Variants in NKAIN2 observed in about 807,000 individuals in gnomAD.
NKAIN2 encodes sodium/potassium transporting ATPase interacting 2.
Under a neutral mutation model 32.6 loss-of-function variants are expected in NKAIN2, and 14 were observed. The observed-to-expected ratio is 0.43, with a 90% confidence interval of 0.28 to 0.67. The LOEUF is 0.67. Among genes scored for constraint, NKAIN2 ranks in the 30% least tolerant of loss-of-function variants. The probability of loss-of-function intolerance (pLI) is 0.17; values close to 1 mark genes in which losing one functional copy is unlikely to be tolerated. For missense variants in NKAIN2, 198 were observed against 258.3 expected, an observed-to-expected ratio of 0.77 and a Z score of 1.60; for synonymous variants, 80 against 87.2, an observed-to-expected ratio of 0.92 and a Z score of 0.46.
intron 5 of NKAIN2, among the ~76,000 whole-genome samples, chr6:124,810,575 T>C (rs1780849200): frequency 6.6e-6 from 1 of 152,078 alleles, no homozygotes; most frequent in South Asian, 2.1e-4. Flanking sequence ...ATGTCACATG[T>C]ATACATGTCA....
intron 1 of NKAIN2, among the ~76,000 whole-genome samples, chr6:124,171,109 C>T (rs577125349): frequency 6.6e-6 from 1 of 152,148 alleles, no homozygotes; most frequent in South Asian, 2.1e-4. Context: ...TAACACTCAA[C>T]TCTCACTTTT....
At chr6:124,439,754 A>C (rs1775612789) in intron 3 of NKAIN2, among the ~76,000 whole-genome samples, 1 of 152,024 alleles carries the variant, frequency 6.6e-6, no homozygotes, top group African/African-American at 2.4e-5. Context: ...TATAAACTGC[A>C]TTTCAACTTT....
chr6:124,047,024 A>G (rs1782171580), intron 1 of NKAIN2, among the ~76,000 whole-genome samples: 1 of 152,042 alleles, frequency 6.6e-6, no homozygotes. Context: ...CTCATTCAGC[A>G]TGTCAGACCA....
intron 3 of NKAIN2, among the ~76,000 whole-genome samples, chr6:124,473,898 C>T (rs907492558): frequency 6.6e-6 from 1 of 152,126 alleles, no homozygotes; most frequent in Non-Finnish European, 1.5e-5. Flanking sequence ...AGTGTGCAAA[C>T]AACTGCTAAA....
At position 124,258,507 on chromosome 6, in the gene NKAIN2, G is replaced by A. The variant is rs147037043; in HGVS notation, c.55-24498G>A. 2.2e-3 allele frequency among the ~76,000 whole-genome samples: 342 copies of A among 152,230 alleles called. 1 individual carries two copies. The highest frequency in any genetic ancestry group is 7.8e-3 in the African/African-American group (325 of 41,560). On this transcript the variant is annotated intron_variant, in intron 1 of 6. Coordinates refer to ENST00000368417, the MANE Select transcript of NKAIN2 (RefSeq NM_001040214.3). ...AACTGTGGAAAGCAAAATGATAAACGATAACTTGAAACTATGTAATATCTA... is the reference window on the plus strand; with the variant it reads ...AACTGTGGAAAGCAAAATGATAAACAATAACTTGAAACTATGTAATATCTA...
chr6:124,048,126 C>G (rs565756326), intron 1 of NKAIN2, among the ~76,000 whole-genome samples: 1 of 152,030 alleles, frequency 6.6e-6, no homozygotes, highest in East Asian at 1.9e-4. Context: ...CTCTTCTGCT[C>G]CTCCCATCCT....
At chr6:124,749,179 G>T (rs1422736400) in intron 4 of NKAIN2, among the ~76,000 whole-genome samples, 1 of 151,866 alleles carries the variant, frequency 6.6e-6, no homozygotes, top group African/African-American at 2.4e-5. Flanking sequence ...CTCTGCTTGA[G>T]TCTTCCTCCA....
intron 1 of NKAIN2, among the ~76,000 whole-genome samples, chr6:124,059,644 G>T (rs1782832948): frequency 6.6e-6 from 1 of 152,076 alleles, no homozygotes; most frequent in Non-Finnish European, 1.5e-5. Flanking sequence ...TTGTATTATT[G>T]CCACTCCTTT....
Position 124,752,839 on chromosome 6 carries a change from A to C in NKAIN2, c.475-38500A>C, listed in dbSNP as rs982257152. 2.6e-5 allele frequency among the ~76,000 whole-genome samples: 4 copies of C among 152,118 alleles called. No individual in the cohort carries two copies. The South Asian group carries it at 6.2e-4, about 24-fold the overall frequency. On this transcript the variant is annotated intron_variant, in intron 4 of 6. Coordinates refer to ENST00000368417, the MANE Select transcript of NKAIN2 (RefSeq NM_001040214.3). ...TTTTGAAATACATCGTATTTATGAA[A>C]TTATGCTTGTGAAATGAATCTGACA...
At chr6:124,169,696 T>TC (rs1210675702) in intron 1 of NKAIN2, among the ~76,000 whole-genome samples, 10 of 152,146 alleles carry the variant, frequency 6.6e-5, no homozygotes, top group Non-Finnish European at 1.3e-4. Context: ...ATGTTTTTTT[T>TC]CTCCATGCAC....
intron 3 of NKAIN2, among the ~76,000 whole-genome samples, chr6:124,608,152 C>T (rs1185711970): frequency 1.3e-5 from 2 of 152,144 alleles, no homozygotes; most frequent in African/African-American, 2.4e-5. Flanking sequence ...GCAGTGATGA[C>T]ATCCATGTTT....
chr6:124,358,021 C>T (rs9401737), intron 3 of NKAIN2, among the ~76,000 whole-genome samples: 21,207 of 152,020 alleles, frequency 0.14, 1,618 homozygotes, highest in African/African-American at 0.2. Flanking sequence ...TGAGAACATG[C>T]GGTGTTTGGT....
chr6:123,904,601 A>C (rs2114429096), intron 1 of NKAIN2, among the ~76,000 whole-genome samples: 1 of 152,326 alleles, frequency 6.6e-6, no homozygotes, highest in East Asian at 1.9e-4. Context: ...TTTCTCCAAA[A>C]GTGTTATACA....
chr6:124,591,340 G>A (rs1223126784), intron 3 of NKAIN2, among the ~76,000 whole-genome samples: 1 of 152,336 alleles, frequency 6.6e-6, no homozygotes, highest in Non-Finnish European at 1.5e-5. Flanking sequence ...ATCGGAATAA[G>A]TGTGAGGAGT....
At chr6:124,577,293 G>A (rs1781367906) in intron 3 of NKAIN2, among the ~76,000 whole-genome samples, 1 of 151,992 alleles carries the variant, frequency 6.6e-6, no homozygotes, top group African/African-American at 2.4e-5. Flanking sequence ...TACTGAAAAA[G>A]GCAAGGAAGA....
intron 1 of NKAIN2, among the ~76,000 whole-genome samples, chr6:124,165,104 C>A (rs1788468015): frequency 6.6e-6 from 1 of 151,968 alleles, no homozygotes; most frequent in Non-Finnish European, 1.5e-5. Flanking sequence ...TTCTTAAGTG[C>A]TAAAGAATAC....
At chr6:124,175,590 T>C (rs1789114879) in intron 1 of NKAIN2, among the ~76,000 whole-genome samples, 2 of 152,206 alleles carry the variant, frequency 1.3e-5, no homozygotes, top group Admixed American at 6.5e-5. Flanking sequence ...TTTCAATGAC[T>C]ACCCACTTAG....
intron 3 of NKAIN2, among the ~76,000 whole-genome samples, chr6:124,568,454 G>A (rs150067483): frequency 1.1e-3 from 167 of 152,188 alleles, no homozygotes; most frequent in African/African-American, 3.9e-3. Context: ...TCTTACATCC[G>A]TTTAGGATGG....
At chr6:124,339,617 C>T (rs1054742095) in intron 2 of NKAIN2, among the ~76,000 whole-genome samples, 7 of 152,178 alleles carry the variant, frequency 4.6e-5, no homozygotes, top group African/African-American at 1.7e-4. Flanking sequence ...CTACCTCCTT[C>T]TCATAAGGAT....
Sources: allele counts gnomAD v4.1 joint callset (sites outside exome capture counted in the v4.1 genomes callset), GRCh38; gene constraint gnomAD v4.1.1; transcripts MANE v1.5; gene names NCBI Gene and HGNC (gene_info 2026-07-23, HGNC 2026-07-21).